Variants in COL5A2 observed in about 807,000 individuals in gnomAD.
COL5A2 encodes the protein collagen alpha-2(V) chain.
In COL5A2, 23 loss-of-function variants were observed where a neutral mutation model predicts 208.2. The observed-to-expected ratio is 0.11, with a 90% CI of 0.08 to 0.16. The LOEUF (loss-of-function observed/expected upper bound fraction) is 0.16. Ranked by LOEUF, COL5A2 falls within the 10% of genes least tolerant of loss-of-function variation. The pLI is 1.00. For missense variants in COL5A2, 1,590 were observed against 1,956.4 expected (o/e 0.81, Z 3.53); for synonymous variants, 625 against 628.5 (o/e 0.99, Z 0.08).
At chr2:189,431,371 G>A in the COL5A2 span, among the ~76,000 whole-genome samples, 1 of 152,134 alleles carries the variant, frequency 6.6e-6, no homozygotes, top group African/African-American at 2.4e-5. Flanking sequence ...GTAGGCTTCA[G>A]GAGGTCAGTA....
the COL5A2 span, among the ~76,000 whole-genome samples, chr2:189,319,724 C>A: frequency 6.6e-6 from 1 of 152,258 alleles, no homozygotes; most frequent in Non-Finnish European, 1.5e-5. Flanking sequence ...GCTCTGTAGA[C>A]TCCACCTCTG....
the COL5A2 span, among the ~76,000 whole-genome samples, chr2:189,322,176 C>A: frequency 6.6e-6 from 1 of 152,298 alleles, no homozygotes; most frequent in Middle Eastern, 3.4e-3. Flanking sequence ...ACATTTAAAG[C>A]AGTGTGTAGA....
At chr2:189,039,239 G>A (rs749845797) in intron 51 of COL5A2, 33 bp downstream of exon 51, 24 of 1,611,668 alleles carry the variant, frequency 1.5e-5, no homozygotes, top group East Asian at 1.1e-4. Context: ...CAGAAACAAC[G>A]GGTTTTGCTC....
At chr2:189,222,430 T>C (rs567263654) in intron 1 of COL5A2, among the ~76,000 whole-genome samples, 1 of 152,288 alleles carries the variant, frequency 6.6e-6, no homozygotes, top group South Asian at 2.1e-4. Flanking sequence ...TGAATAAATA[T>C]GTTATCAAGT....
the COL5A2 span, among the ~76,000 whole-genome samples, chr2:189,266,916 G>A: frequency 6.6e-6 from 1 of 150,828 alleles, no homozygotes; most frequent in Non-Finnish European, 1.5e-5. Context: ...AAAAATTCTT[G>A]GACAGTTAAC....
chr2:189,185,391 A>G (rs1688838292), intron 1 of COL5A2, among the ~76,000 whole-genome samples: 1 of 152,238 alleles, frequency 6.6e-6, no homozygotes, highest in African/African-American at 2.4e-5. Flanking sequence ...GCAAAGATAG[A>G]AGCAGGGACA....
At chr2:189,050,735 A>G in intron 42 of COL5A2, 59 bp from the exon 43 acceptor site, 1 of 1,409,440 alleles carries the variant, frequency 7.1e-7, no homozygotes. Flanking sequence ...TACCCAAGGA[A>G]TTTACAATAA....
At chr2:189,394,256 G>GA in the COL5A2 span, among the ~76,000 whole-genome samples, 395 of 148,016 alleles carry the variant, frequency 2.7e-3, 1 homozygote, top group African/African-American at 8.0e-3. Context: ...GAAAGATTTT[G>GA]AAAAAAAAAC....
chr2:189,108,023 G>T (rs1687183923), intron 2 of COL5A2, among the ~76,000 whole-genome samples: 1 of 151,638 alleles, frequency 6.6e-6, no homozygotes, highest in South Asian at 2.1e-4. Flanking sequence ...TGTCAGGTTT[G>T]AATGATATTA....
rs863223499 is a variant in COL5A2, at chr2:189,034,132, C to G, written c.4438G>C (p.Val1480Leu). 3 of 1,614,030 alleles carry G rather than the reference C, an allele frequency of 1.9e-6. No homozygotes were observed. The South Asian group carries it at 3.3e-5, about 18-fold the overall frequency. ...ARLPIIDLAP[V>L]DVGGTDQEFG... ...TCCTGGTCTGTGCCGCCAACATCCA[C>G]AGGAGCAAGATCTATGATGGGCAAG... The change falls in exon 54 of 54, where the codon GTG becomes CTG. Residue 1480 changes from valine (V) to leucine (L), a missense_variant. Transcript: ENST00000374866.
At chr2:189,203,837 A>G (rs1443749486) in intron 1 of COL5A2, among the ~76,000 whole-genome samples, 1 of 152,206 alleles carries the variant, frequency 6.6e-6, no homozygotes, top group Admixed American at 6.5e-5. Context: ...ATTGAGAATA[A>G]AATTGGAGAA....
the COL5A2 span, among the ~76,000 whole-genome samples, chr2:189,237,285 C>T: frequency 6.6e-6 from 1 of 151,398 alleles, no homozygotes; most frequent in Non-Finnish European, 1.5e-5. Context: ...AGAAGTTATG[C>T]CACCCTTCCC....
chr2:189,293,962 C>G, the COL5A2 span, among the ~76,000 whole-genome samples: 1 of 152,090 alleles, frequency 6.6e-6, no homozygotes, highest in Admixed American at 6.5e-5. Flanking sequence ...GTGGCGGGCG[C>G]CTGTAGTCCC....
chr2:189,269,295 T>C, the COL5A2 span, among the ~76,000 whole-genome samples: 2 of 151,988 alleles, frequency 1.3e-5, no homozygotes, highest in South Asian at 2.1e-4. Context: ...CAATACTATA[T>C]TGGGCATCGT....
chr2:189,418,805 A>G, the COL5A2 span, among the ~76,000 whole-genome samples: 1 of 152,318 alleles, frequency 6.6e-6, no homozygotes, highest in Non-Finnish European at 1.5e-5. Context: ...AGCAAGACTC[A>G]GTCCCTCTTT....
intron 51 of COL5A2, among the ~76,000 whole-genome samples, chr2:189,037,008 A>G (rs1685457170): frequency 6.6e-6 from 1 of 152,168 alleles, no homozygotes; most frequent in Admixed American, 6.5e-5. Flanking sequence ...ACTTTGCCAA[A>G]CCATGTACTT....
chr2:189,376,203 C>T, the COL5A2 span, among the ~76,000 whole-genome samples: 2 of 152,106 alleles, frequency 1.3e-5, no homozygotes, highest in Non-Finnish European at 2.9e-5. Flanking sequence ...TATTTGAACA[C>T]TTTCTAAGAT....
At chr2:189,219,875 C>G (rs75300376) in intron 1 of COL5A2, among the ~76,000 whole-genome samples, 1 of 1,506 alleles carries the variant, frequency 6.6e-4, no homozygotes, top group Admixed American at 0.05. Flanking sequence ...GATAGAGTGC[C>G]CCCCCCCCAC....
the COL5A2 span, among the ~76,000 whole-genome samples, chr2:189,426,369 G>A: frequency 6.6e-6 from 1 of 152,180 alleles, no homozygotes; most frequent in Non-Finnish European, 1.5e-5. Context: ...ATCCTTTGGG[G>A]AGGCTAATCA....
Sources: allele counts gnomAD v4.1 joint callset (sites outside exome capture counted in the v4.1 genomes callset), GRCh38; gene constraint gnomAD v4.1.1; transcripts MANE v1.5; gene names NCBI Gene and HGNC (gene_info 2026-07-23, HGNC 2026-07-21).